Variants in SYTL2 observed in about 807,000 individuals in gnomAD.
The protein encoded by SYTL2 is synaptotagmin like 2, also known as synaptotagmin-like protein 2.
In SYTL2, 165 loss-of-function variants were observed where a neutral mutation model predicts 198.7. That is an observed-to-expected ratio of 0.83 (90% CI 0.73 to 0.94). The LOEUF (loss-of-function observed/expected upper bound fraction) is 0.94. SYTL2 is among the 40% of genes least tolerant of loss of function. The probability of loss-of-function intolerance (pLI) is 0.00; values close to 1 mark genes in which losing one functional copy is unlikely to be tolerated. For missense variants in SYTL2, 2,835 were observed against 2,582.8 expected (o/e 1.10, Z -2.12); for synonymous variants, 966 against 917.7 (o/e 1.05, Z -0.95).
intron 1 of SYTL2, among the ~76,000 whole-genome samples, chr11:85,772,688 C>A (rs548042482): frequency 1.3e-5 from 2 of 152,344 alleles, no homozygotes; most frequent in Admixed American, 1.3e-4. Context: ...CCCCAAACTC[C>A]AGTCCCCTTA....
intron 1 of SYTL2, among the ~76,000 whole-genome samples, chr11:85,805,815 TC>T (rs2092951715): frequency 1.3e-5 from 2 of 152,240 alleles, no homozygotes; most frequent in Non-Finnish European, 2.9e-5. Flanking sequence ...ACGTCTTATA[TC>T]TACCTACCCC....
chr11:85,770,720 T>C (rs555735311), intron 1 of SYTL2, among the ~76,000 whole-genome samples: 1 of 152,204 alleles, frequency 6.6e-6, no homozygotes, highest in Non-Finnish European at 1.5e-5. Context: ...TCCAACCCTT[T>C]CCTATCACTC....
At chr11:85,772,991 T>A (rs1233646471) in intron 1 of SYTL2, among the ~76,000 whole-genome samples, 1 of 152,244 alleles carries the variant, frequency 6.6e-6, no homozygotes, top group African/African-American at 2.4e-5. Flanking sequence ...AATGTTCCTA[T>A]GAGAATCTGC....
intron 12 of SYTL2, 144 bp from the exon 13 acceptor site, chr11:85,711,376 G>T: frequency 1.2e-6 from 1 of 836,140 alleles, no homozygotes. Flanking sequence ...GCCAGGGTAT[G>T]GGATTCAGGA....
At chr11:85,729,532 T>C (rs1350583687) in intron 7 of SYTL2, among the ~76,000 whole-genome samples, 1 of 152,202 alleles carries the variant, frequency 6.6e-6, no homozygotes, top group African/African-American at 2.4e-5. Context: ...AATAAGTTCT[T>C]TGAAACCAAT....
intron 16 of SYTL2, among the ~76,000 whole-genome samples, chr11:85,701,196 T>C (rs955817802): frequency 6.6e-6 from 1 of 152,234 alleles, no homozygotes; most frequent in Non-Finnish European, 1.5e-5. Flanking sequence ...AGATTTCGGA[T>C]TTGTTTTTTG....
At chr11:85,817,033 A>G in the SYTL2 span, among the ~76,000 whole-genome samples, 1 of 151,954 alleles carries the variant, frequency 6.6e-6, no homozygotes, top group African/African-American at 2.4e-5. Context: ...TTTGAAATTC[A>G]TCTTACCTAA....
intron 1 of SYTL2, among the ~76,000 whole-genome samples, chr11:85,778,565 G>T (rs897095016): frequency 6.6e-6 from 1 of 152,230 alleles, no homozygotes; most frequent in African/African-American, 2.4e-5. Context: ...TCAACAGAAG[G>T]CAGCAAGACC....
rs1240166787 is a variant in SYTL2, at chr11:85,748,340, T to C, written c.185A>G (p.His62Arg). Residue 62 changes from histidine (H) to arginine (R), a missense_variant, in exon 3 of 20, where the codon CAC becomes CGC. By Grantham distance (29) the His-to-Arg change is conservative (BLOSUM62 0). This residue lies in a region of SYTL2 where 2,645 missense variants were observed against 2,381.7 expected (regional missense o/e 1.11). Coordinates refer to ENST00000359152, the MANE Select transcript of SYTL2 (RefSeq NM_206927.4). Reference sequence around the variant, plus strand: ...ATCTGCGCCATGGATTTTGTCCCTGTGCCTTTTTGCCTTGGCTTCATAAAA... The same window carrying C: ...ATCTGCGCCATGGATTTTGTCCCTGCGCCTTTTTGCCTTGGCTTCATAAAA... ...QWFYEAKAKR[H>R]RDKIHGADII... 3.7e-6 allele frequency: 6 copies of C among 1,613,974 alleles called. No homozygotes were observed. Among genetic ancestry groups the C allele is most frequent in the Non-Finnish European group, 5.1e-6 (6 of 1,179,952 alleles).
chr11:85,705,092 G>A, intron 15 of SYTL2, 64 bp from the exon 16 acceptor site: 1 of 1,321,546 alleles, frequency 7.6e-7, no homozygotes, highest in Non-Finnish European at 1.1e-6. Context: ...TTATAACACA[G>A]AGATGAAGAG....
intron 16 of SYTL2, among the ~76,000 whole-genome samples, chr11:85,702,262 T>G (rs1357776900): frequency 6.6e-6 from 1 of 151,828 alleles, no homozygotes; most frequent in Admixed American, 6.6e-5. Context: ...TGATCTCAGT[T>G]CATTGCAACC....
At chr11:85,737,718 C>T (rs2090463858) in intron 4 of SYTL2, 62 bp from the exon 5 acceptor site, 2 of 1,397,174 alleles carry the variant, frequency 1.4e-6, no homozygotes, top group Admixed American at 3.6e-5. Flanking sequence ...ATAAATTATG[C>T]CTCTGAAGTG....
chr11:85,851,509 T>C, the SYTL2 span, among the ~76,000 whole-genome samples: 3 of 152,252 alleles, frequency 2.0e-5, no homozygotes, highest in Non-Finnish European at 2.9e-5. Flanking sequence ...ATTTGGCTTC[T>C]TCTACTATAG....
At chr11:85,698,184 G>A (rs955757529) in intron 17 of SYTL2, 106 bp from the exon 18 acceptor site, 8 of 709,044 alleles carry the variant, frequency 1.1e-5, no homozygotes, top group Non-Finnish European at 2.0e-5. Context: ...ATACTAGCTA[G>A]TATTTGATGA....
chr11:85,703,074 T>G (rs1285467385), intron 16 of SYTL2, among the ~76,000 whole-genome samples: 1 of 152,066 alleles, frequency 6.6e-6, no homozygotes, highest in Non-Finnish European at 1.5e-5. Context: ...TGTGAAAAGG[T>G]TAGCAAAACA....
chr11:85,756,028 A>G (rs2091848706), intron 2 of SYTL2, among the ~76,000 whole-genome samples: 1 of 152,142 alleles, frequency 6.6e-6, no homozygotes. Context: ...TGCTTAAAGA[A>G]TCAATATTTT....
chr11:85,775,193 G>A (rs148503743), intron 1 of SYTL2, among the ~76,000 whole-genome samples: 30 of 152,262 alleles, frequency 2.0e-4, no homozygotes, highest in African/African-American at 6.5e-4. Context: ...TAGGAAAATA[G>A]GGTATAAAAC....
chr11:85,816,702 G>T, the SYTL2 span, among the ~76,000 whole-genome samples: 2 of 152,126 alleles, frequency 1.3e-5, no homozygotes, highest in South Asian at 4.1e-4. Flanking sequence ...TTGAGCACAG[G>T]AGTTTGAGAC....
At chr11:85,843,640 C>T in the SYTL2 span, among the ~76,000 whole-genome samples, 1 of 152,234 alleles carries the variant, frequency 6.6e-6, no homozygotes, top group East Asian at 1.9e-4. Flanking sequence ...GTGGAGAAAG[C>T]CCTCTCTGGT....
Sources: allele counts gnomAD v4.1 joint callset (sites outside exome capture counted in the v4.1 genomes callset), GRCh38; gene constraint gnomAD v4.1.1; regional missense constraint gnomAD v4.1.1; transcripts MANE v1.5; gene names NCBI Gene and HGNC (gene_info 2026-07-23, HGNC 2026-07-21).